CHCHD6: variants seen among roughly 807,000 people sequenced by gnomAD.
CHCHD6 encodes the protein coiled-coil-helix-coiled-coil-helix domain containing 6, also known as MICOS complex subunit MIC25.
In CHCHD6, 28 loss-of-function variants were observed where a neutral mutation model predicts 32.3. The observed-to-expected ratio is 0.87, with a 90% CI of 0.64 to 1.19. CHCHD6 has a LOEUF of 1.19. Among genes scored for constraint, CHCHD6 ranks in the 50% most tolerant of loss-of-function variants. CHCHD6 has a pLI of 0.00. For synonymous variants in CHCHD6, 122 were observed against 117.5 expected (o/e 1.04, Z -0.25); for missense variants, 333 against 307.0 (o/e 1.08, Z -0.63).
At chr3:126,879,658 G>C (rs1298684581) in intron 5 of CHCHD6, among the ~76,000 whole-genome samples, 1 of 152,174 alleles carries the variant, frequency 6.6e-6, no homozygotes, top group Non-Finnish European at 1.5e-5. Context: ...ATCCTGAATG[G>C]GAGAGCAGCA....
At chr3:126,793,774 T>C (rs1301599246) in intron 4 of CHCHD6, among the ~76,000 whole-genome samples, 1 of 152,222 alleles carries the variant, frequency 6.6e-6, no homozygotes, top group East Asian at 1.9e-4. Context: ...CTTTTAACAA[T>C]TGGAGCAGGT....
At chr3:126,891,488 A>G (rs895823346) in intron 5 of CHCHD6, among the ~76,000 whole-genome samples, 1 of 152,122 alleles carries the variant, frequency 6.6e-6, no homozygotes, top group African/African-American at 2.4e-5. Flanking sequence ...GCCCTATTAG[A>G]TAGGCCTTGG....
chr3:126,808,517 A>G (rs1364870906), intron 4 of CHCHD6, among the ~76,000 whole-genome samples: 1 of 151,942 alleles, frequency 6.6e-6, no homozygotes, highest in African/African-American at 2.4e-5. Flanking sequence ...AAAAATATAA[A>G]CTTTGTTTCT....
At chr3:126,918,219 A>G (rs1346469093) in intron 6 of CHCHD6, among the ~76,000 whole-genome samples, 1 of 152,250 alleles carries the variant, frequency 6.6e-6, no homozygotes, top group Non-Finnish European at 1.5e-5. Context: ...TACATCATAA[A>G]TGTCATAGAA....
chr3:126,799,792 G>C (rs547692656), intron 4 of CHCHD6, among the ~76,000 whole-genome samples: 1 of 152,098 alleles, frequency 6.6e-6, no homozygotes, highest in Non-Finnish European at 1.5e-5. Context: ...AGAATACCAC[G>C]GCCTGGAGAA....
chr3:126,764,224 T>TATATATATAA (rs1491585281), intron 4 of CHCHD6, among the ~76,000 whole-genome samples: 4 of 144,014 alleles, frequency 2.8e-5, no homozygotes, highest in African/African-American at 1.1e-4. Flanking sequence ...TATATATATA[T>TATATATATAA]AAATATATGA....
At chr3:126,836,962 C>T (rs528771008) in intron 4 of CHCHD6, among the ~76,000 whole-genome samples, 1 of 152,170 alleles carries the variant, frequency 6.6e-6, no homozygotes, top group Non-Finnish European at 1.5e-5. Flanking sequence ...GGTCCAAGCT[C>T]CCTTGTGGTT....
intron 4 of CHCHD6, among the ~76,000 whole-genome samples, chr3:126,832,566 G>T (rs138931447): frequency 2.0e-5 from 3 of 152,158 alleles, no homozygotes; most frequent in African/African-American, 7.2e-5. Flanking sequence ...ATTCTGAGCC[G>T]TGAAGTCCTC....
At chr3:126,847,392 CTTCT>C (rs1220208789) in intron 4 of CHCHD6, among the ~76,000 whole-genome samples, 3 of 152,252 alleles carry the variant, frequency 2.0e-5, no homozygotes, top group African/African-American at 7.2e-5. Context: ...TAATTTTGGC[CTTCT>C]GAGACCTGTC....
At chr3:126,927,933 CAG>C (rs1481265280) in intron 6 of CHCHD6, among the ~76,000 whole-genome samples, 1 of 152,244 alleles carries the variant, frequency 6.6e-6, no homozygotes, top group Non-Finnish European at 1.5e-5. Context: ...TCATCACAGA[CAG>C]GGCCTTTCCA....
chr3:126,912,885 GTCCATCCCT>G (rs1295975933), intron 5 of CHCHD6, among the ~76,000 whole-genome samples: 2 of 152,218 alleles, frequency 1.3e-5, no homozygotes, highest in Non-Finnish European at 2.9e-5. Context: ...GAGGTGGGGG[GTCCATCCCT>G]GCCTCAGTTA....
Position 126,730,645 on chromosome 3 carries a change from C to T in CHCHD6, c.266+15C>T. 4 of 1,610,878 alleles carry T rather than the reference C, an allele frequency of 2.5e-6. No individual in the cohort carries two copies. The highest frequency in any genetic ancestry group is 2.5e-6 in the Non-Finnish European group (3 of 1,177,426). Reference sequence around the variant, plus strand: ...GGTGTCAAGAGGTGAGCCCGAGAGCCTGCTTGCTCCCGGCACTGCGCTCCG... The same window carrying T: ...GGTGTCAAGAGGTGAGCCCGAGAGCTTGCTTGCTCCCGGCACTGCGCTCCG... On this transcript the variant is annotated intron_variant, in intron 3 of 7. Transcript: ENST00000290913.
chr3:126,741,952 G>C (rs1300365951), intron 4 of CHCHD6, among the ~76,000 whole-genome samples: 1 of 152,168 alleles, frequency 6.6e-6, no homozygotes, highest in African/African-American at 2.4e-5. Flanking sequence ...CCCTGATGCA[G>C]CTCCTGCCTA....
chr3:126,706,253 A>T (rs1169324061), intron 1 of CHCHD6, among the ~76,000 whole-genome samples: 1 of 152,210 alleles, frequency 6.6e-6, no homozygotes, highest in Non-Finnish European at 1.5e-5. Context: ...TAAGACAGGT[A>T]CATTTCATTT....
chr3:126,926,996 C>T (rs2078333654), intron 6 of CHCHD6, among the ~76,000 whole-genome samples: 1 of 152,104 alleles, frequency 6.6e-6, no homozygotes, highest in Non-Finnish European at 1.5e-5. Flanking sequence ...TGATTTTATA[C>T]AAAGTGCAAT....
In CHCHD6 at chr3:126,852,821, C is replaced by T. The variant is rs138495843; in HGVS notation, c.495+91C>T. 2,071 of 872,618 alleles carry T rather than the reference C, an allele frequency of 2.4e-3. 15 individuals are homozygous for T. Among genetic ancestry groups the T allele is most frequent in the African/African-American group, 0.023 (1,374 of 60,306 alleles). 54.1% of individuals were successfully genotyped at this position (872,618 alleles called of 1,614,324 possible). A position where few individuals can be genotyped will look rare whatever the true frequency, so the allele number is the denominator to read the frequency against. ...ACTGTCATGGGGGGAGAGAGGAGTC[C>T]GCAGACCCAGTGCCCATTCGCCCAG... is the stretch of plus-strand genomic sequence containing the variant. On this transcript the variant is annotated intron_variant, in intron 5 of 7. Transcript: ENST00000290913.
At position 126,751,997 on chromosome 3, in the gene CHCHD6, G is replaced by A. The variant is rs903980847; in HGVS notation, c.411+18775G>A. Among the ~76,000 whole-genome samples, 4 of 152,292 alleles carry A rather than the reference G, an allele frequency of 2.6e-5. 1 individual carries two copies. Among genetic ancestry groups the A allele is most frequent in the Admixed American group, 6.5e-5 (1 of 15,312 alleles). On this transcript the variant is annotated intron_variant, in intron 4 of 7. Transcript: ENST00000290913. ...AGTAAAATTCACTCATCTAATGGCC[G>A]TTTAAAAATCACAGCTTTTAGGCCA...
intron 4 of CHCHD6, among the ~76,000 whole-genome samples, chr3:126,804,805 A>G (rs914016809): frequency 1.3e-5 from 2 of 152,232 alleles, no homozygotes; most frequent in Non-Finnish European, 2.9e-5. Flanking sequence ...TCCTCAATAA[A>G]ATACTGGCAA....
chr3:126,766,537 A>T, intron 4 of CHCHD6: 1 of 934,324 alleles, frequency 1.1e-6, no homozygotes. Context: ...GCCCATGGTG[A>T]CCTCTGAGAA....
Sources: allele counts gnomAD v4.1 joint callset (sites outside exome capture counted in the v4.1 genomes callset), GRCh38; gene constraint gnomAD v4.1.1; transcripts MANE v1.5; gene names NCBI Gene and HGNC (gene_info 2026-07-23, HGNC 2026-07-21).